Variants in ATP6V1A observed in about 807,000 individuals in gnomAD.
The protein encoded by ATP6V1A is V-type proton ATPase catalytic subunit A.
ATP6V1A carries 18 observed loss-of-function variants against 70.1 expected under a neutral mutation model. The ratio of observed to expected loss-of-function variants is 0.26; its 90% CI spans 0.18 to 0.38. ATP6V1A has a LOEUF of 0.38. ATP6V1A is among the 10% of genes least tolerant of loss of function. ATP6V1A has a pLI of 1.00. For synonymous variants in ATP6V1A, 232 were observed against 253.8 expected (o/e 0.91, Z 0.82); for missense variants, 424 against 772.4 (o/e 0.55, Z 5.35).
intron 4 of ATP6V1A, 120 bp from the exon 5 acceptor site, chr3:113,784,576 A>G: frequency 4.9e-6 from 7 of 1,421,650 alleles, no homozygotes; most frequent in Non-Finnish European, 6.7e-6. Flanking sequence ...ACTCTACTTC[A>G]TGGGATTTTA....
At chr3:113,782,594 A>ATATG (rs1365189846) in intron 3 of ATP6V1A, among the ~76,000 whole-genome samples, 31 of 146,916 alleles carry the variant, frequency 2.1e-4, no homozygotes, top group African/African-American at 6.9e-4. Context: ...ACACATATAT[A>ATATG]TATATATACA....
At chr3:113,782,544 A>C (rs114664374) in intron 3 of ATP6V1A, among the ~76,000 whole-genome samples, 11,547 of 124,296 alleles carry the variant, frequency 0.093, 688 homozygotes, top group African/African-American at 0.18. Context: ...CTCTCTCTCT[A>C]TATATATATA....
intron 3 of ATP6V1A, among the ~76,000 whole-genome samples, chr3:113,781,750 G>C (rs965077759): frequency 1.3e-5 from 2 of 152,098 alleles, no homozygotes; most frequent in African/African-American, 4.8e-5. Flanking sequence ...ACTTAAGGGG[G>C]ACCAAGTGAA....
At position 113,786,377 on chromosome 3, in the gene ATP6V1A, T is replaced by C; in HGVS notation, c.710T>C (p.Leu237Pro). ...LLTGQRVLDA[L>P]FPCVQGGTTA... ...ACTGGCCAGAGAGTCCTTGATGCCC[T>C]TTTTCCGTAAGTTTGAGATGTGTCC... The change falls in exon 6 of 15, where the codon CTT (leucine) becomes CCT (proline). Residue 237 changes from leucine (L) to proline (P), a missense_variant. Transcript: ENST00000273398. 6.2e-7 allele frequency: 1 copy of C among 1,609,410 alleles called. No homozygotes were observed. The highest frequency in any genetic ancestry group is 1.7e-5 in the Admixed American group (1 of 59,376).
At chr3:113,751,256 A>G (rs1165742579) in intron 1 of ATP6V1A, among the ~76,000 whole-genome samples, 1 of 152,106 alleles carries the variant, frequency 6.6e-6, no homozygotes, top group Non-Finnish European at 1.5e-5. Flanking sequence ...TGTAGAGAAC[A>G]TAATGGAGAC....
chr3:113,748,867 A>G (rs765012117), intron 1 of ATP6V1A, among the ~76,000 whole-genome samples: 1 of 152,176 alleles, frequency 6.6e-6, no homozygotes, highest in East Asian at 1.9e-4. Flanking sequence ...AGATATATAT[A>G]TGTAGTTTTA....
At chr3:113,758,717 A>AG (rs1180063991) in intron 1 of ATP6V1A, among the ~76,000 whole-genome samples, 1 of 152,224 alleles carries the variant, frequency 6.6e-6, no homozygotes, top group Non-Finnish European at 1.5e-5. Context: ...TCATATGGTA[A>AG]GTGTAATTTT....
chr3:113,749,913 C>G (rs902453443), intron 1 of ATP6V1A, among the ~76,000 whole-genome samples: 3 of 152,118 alleles, frequency 2.0e-5, no homozygotes, highest in Non-Finnish European at 4.4e-5. Flanking sequence ...CTCAGATGGA[C>G]TTTATTAATG....
At chr3:113,772,831 G>A (rs969141471) in intron 1 of ATP6V1A, among the ~76,000 whole-genome samples, 1 of 151,528 alleles carries the variant, frequency 6.6e-6, no homozygotes, top group Non-Finnish European at 1.5e-5. Flanking sequence ...CAGATTTCAG[G>A]ATGTATTTAC....
chr3:113,795,212 C>T lies in ATP6V1A; in HGVS notation c.1226+8C>T. On this transcript the variant is annotated splice_region_variant and intron_variant, in intron 10 of 14. Coordinates refer to ENST00000273398, the MANE Select transcript of ATP6V1A (RefSeq NM_001690.4). Reference sequence around the variant, plus strand: ...TGTCAGCATTGTAGGAGCGTAAGCACCCACACTATTTACTTTGCAAAAGGA... The same window carrying T: ...TGTCAGCATTGTAGGAGCGTAAGCATCCACACTATTTACTTTGCAAAAGGA... 5.0e-6 allele frequency: 8 copies of T among 1,612,272 alleles called. No individual in the cohort carries two copies. The highest frequency in any genetic ancestry group is 6.8e-6 in the Non-Finnish European group (8 of 1,179,138).
At chr3:113,760,207 A>G (rs1169275868) in intron 1 of ATP6V1A, among the ~76,000 whole-genome samples, 1 of 152,220 alleles carries the variant, frequency 6.6e-6, no homozygotes, top group Non-Finnish European at 1.5e-5. Flanking sequence ...ACTTTTGACT[A>G]TAGTCATTAT....
chr3:113,805,762 G>A (rs921122649), intron 14 of ATP6V1A, among the ~76,000 whole-genome samples: 1 of 151,980 alleles, frequency 6.6e-6, no homozygotes, highest in Non-Finnish European at 1.5e-5. Flanking sequence ...GTAGAGATGG[G>A]GTTTCACCAT....
chr3:113,765,825 G>C (rs1473061713), intron 1 of ATP6V1A, among the ~76,000 whole-genome samples: 1 of 151,564 alleles, frequency 6.6e-6, no homozygotes, highest in Non-Finnish European at 1.5e-5. Context: ...TACTCGGGAG[G>C]CTGAGACAGG....
At chr3:113,793,050 T>G (rs978493159) in intron 8 of ATP6V1A, among the ~76,000 whole-genome samples, 5 of 152,042 alleles carry the variant, frequency 3.3e-5, no homozygotes, top group Non-Finnish European at 5.9e-5. Context: ...GGTTTTTTGT[T>G]GTTTTTTTTT....
intron 5 of ATP6V1A, among the ~76,000 whole-genome samples, chr3:113,785,196 C>CT (rs946191955): frequency 6.6e-6 from 1 of 152,130 alleles, no homozygotes; most frequent in East Asian, 1.9e-4. Context: ...AATCCCAACA[C>CT]TTTGGGAGGG....
intron 1 of ATP6V1A, among the ~76,000 whole-genome samples, chr3:113,747,966 T>C (rs1297234137): frequency 6.6e-6 from 1 of 152,170 alleles, no homozygotes; most frequent in East Asian, 1.9e-4. Context: ...TGCTTAAAGG[T>C]AGAATCAAGT....
At chr3:113,789,602 A>T in intron 7 of ATP6V1A, 130 bp from the exon 8 acceptor site, 1 of 604,198 alleles carries the variant, frequency 1.7e-6, no homozygotes, top group Non-Finnish European at 2.9e-6. Flanking sequence ...GGTGGGGAAT[A>T]TTACTTTAGG....
intron 12 of ATP6V1A, chr3:113,803,375 A>G: frequency 1.9e-6 from 1 of 534,688 alleles, no homozygotes; most frequent in South Asian, 2.3e-5. Flanking sequence ...TACACTGTAT[A>G]ATTAAAAGTG....
chr3:113,761,860 T>A (rs1708708622), intron 1 of ATP6V1A, among the ~76,000 whole-genome samples: 1 of 129,698 alleles, frequency 7.7e-6, no homozygotes, highest in Admixed American at 7.4e-5. Context: ...TTGAAAAAAA[T>A]TGGTAAAGTT....
Sources: allele counts gnomAD v4.1 joint callset (sites outside exome capture counted in the v4.1 genomes callset), GRCh38; gene constraint gnomAD v4.1.1; transcripts MANE v1.5; gene names NCBI Gene and HGNC (gene_info 2026-07-23, HGNC 2026-07-21).